PPP3CA: variants seen among roughly 807,000 people sequenced by gnomAD.
PPP3CA encodes CAM-PRP catalytic subunit.
A neutral mutation model predicts 66.5 loss-of-function variants in PPP3CA; 14 were observed. The ratio of observed to expected loss-of-function variants is 0.21; its 90% CI spans 0.14 to 0.33. The LOEUF is 0.33. PPP3CA is among the 10% of genes least tolerant of loss of function. The probability of loss-of-function intolerance (pLI) is 1.00; values close to 1 mark genes in which losing one functional copy is unlikely to be tolerated. For missense variants in PPP3CA, 317 were observed against 639.5 expected, an observed-to-expected ratio of 0.50 and a Z score of 5.44; for synonymous variants, 232 against 226.2, an observed-to-expected ratio of 1.03 and a Z score of -0.23.
At chr4:101,152,572 G>A (rs1723176853) in intron 2 of PPP3CA, among the ~76,000 whole-genome samples, 2 of 152,126 alleles carry the variant, frequency 1.3e-5, no homozygotes. Context: ...CCAGATTTTG[G>A]ACAGAAAATA....
At chr4:101,247,663 G>A (rs1726532013) in intron 1 of PPP3CA, among the ~76,000 whole-genome samples, 1 of 151,876 alleles carries the variant, frequency 6.6e-6, no homozygotes, top group African/African-American at 2.4e-5. Context: ...GATTTATTTT[G>A]TATGTATTAA....
intron 2 of PPP3CA, among the ~76,000 whole-genome samples, chr4:101,166,097 A>G (rs1723686367): frequency 6.6e-6 from 1 of 152,176 alleles, no homozygotes; most frequent in Non-Finnish European, 1.5e-5. Flanking sequence ...CCAACTTAAA[A>G]GTATTTTAGG....
At chr4:101,290,765 G>A (rs2850356) in intron 1 of PPP3CA, among the ~76,000 whole-genome samples, 31,595 of 152,096 alleles carry the variant, frequency 0.21, 3,922 homozygotes, top group East Asian at 0.48. Flanking sequence ...GTATGTGGTT[G>A]CAACTTAAAC....
At chr4:101,299,734 G>A (rs1304281188) in intron 1 of PPP3CA, among the ~76,000 whole-genome samples, 1 of 152,064 alleles carries the variant, frequency 6.6e-6, no homozygotes, top group Non-Finnish European at 1.5e-5. Context: ...TATGTACAGA[G>A]CCTCAGGAAA....
chr4:101,221,504 G>C (rs956167438), intron 1 of PPP3CA, among the ~76,000 whole-genome samples: 4 of 151,484 alleles, frequency 2.6e-5, no homozygotes, highest in African/African-American at 9.7e-5. Context: ...CTTCACAGAT[G>C]CAAGAATTTA....
At chr4:101,130,167 T>G (rs1560617531) in intron 2 of PPP3CA, among the ~76,000 whole-genome samples, 1 of 151,888 alleles carries the variant, frequency 6.6e-6, no homozygotes, top group Non-Finnish European at 1.5e-5. Flanking sequence ...GAAGATCACC[T>G]TAATGAAACA....
intron 11 of PPP3CA, among the ~76,000 whole-genome samples, chr4:101,035,300 C>A (rs370677213): frequency 1.3e-5 from 2 of 149,324 alleles, no homozygotes; most frequent in African/African-American, 2.5e-5. Context: ...AAAACCCCCC[C>A]AAAAACATGG....
intron 2 of PPP3CA, among the ~76,000 whole-genome samples, chr4:101,180,916 A>G (rs1185753367): frequency 6.6e-6 from 1 of 152,028 alleles, no homozygotes; most frequent in Non-Finnish European, 1.5e-5. Flanking sequence ...TTAGCACACT[A>G]TATTACTACA....
chr4:101,146,102 C>A (rs1462483161), intron 2 of PPP3CA, among the ~76,000 whole-genome samples: 1 of 152,186 alleles, frequency 6.6e-6, no homozygotes, highest in Non-Finnish European at 1.5e-5. Context: ...TCTATTCATG[C>A]TGCAAGTTGG....
chr4:101,304,971 T>C (rs1178207211), intron 1 of PPP3CA, among the ~76,000 whole-genome samples: 1 of 152,224 alleles, frequency 6.6e-6, no homozygotes, highest in African/African-American at 2.4e-5. Flanking sequence ...CAACCCACTT[T>C]AGAAGAAAGC....
At chr4:101,190,459 A>G (rs1724560992) in intron 2 of PPP3CA, among the ~76,000 whole-genome samples, 1 of 152,214 alleles carries the variant, frequency 6.6e-6, no homozygotes. Context: ...ACCATGACGT[A>G]ATTGTAATGA....
At chr4:101,308,777 C>CA (rs1038303568) in intron 1 of PPP3CA, among the ~76,000 whole-genome samples, 6 of 152,202 alleles carry the variant, frequency 3.9e-5, no homozygotes, top group East Asian at 1.9e-4. Flanking sequence ...TTTGTAGTCA[C>CA]AAAAAATTTC....
intron 1 of PPP3CA, among the ~76,000 whole-genome samples, chr4:101,302,145 C>T (rs1578646241): frequency 6.6e-6 from 1 of 152,070 alleles, no homozygotes; most frequent in African/African-American, 2.4e-5. Flanking sequence ...AGATAGAGCA[C>T]TAGATTTAGA....
At chr4:101,189,313 A>C (rs1213798132) in intron 2 of PPP3CA, among the ~76,000 whole-genome samples, 2 of 152,176 alleles carry the variant, frequency 1.3e-5, no homozygotes, top group African/African-American at 4.8e-5. Flanking sequence ...AAATAGAATA[A>C]TATCCACAAA....
chr4:101,261,646 T>C (rs771858653), intron 1 of PPP3CA, among the ~76,000 whole-genome samples: 3 of 152,084 alleles, frequency 2.0e-5, no homozygotes, highest in Non-Finnish European at 4.4e-5. Flanking sequence ...CTTTAAAAAA[T>C]AGAACTTCAC....
intron 2 of PPP3CA, among the ~76,000 whole-genome samples, chr4:101,124,623 GAGAA>G (rs974283773): frequency 1.9e-4 from 27 of 139,500 alleles, no homozygotes; most frequent in African/African-American, 6.9e-4. Context: ...AAAGAAAAAA[GAGAA>G]AGAAAGAAAA....
At chr4:101,314,433 G>A (rs1222053020) in intron 1 of PPP3CA, among the ~76,000 whole-genome samples, 8 of 151,696 alleles carry the variant, frequency 5.3e-5, no homozygotes, top group Non-Finnish European at 1.0e-4. Context: ...GCATGGTGGC[G>A]GGCACCTGTA....
chr4:101,342,959 T>G (rs1240247723), intron 1 of PPP3CA, among the ~76,000 whole-genome samples: 2 of 152,152 alleles, frequency 1.3e-5, no homozygotes. Flanking sequence ...CTTAGCATCT[T>G]TCAGAATTCT....
chr4:101,248,791 T>C (rs916272636), intron 1 of PPP3CA, among the ~76,000 whole-genome samples: 5 of 152,242 alleles, frequency 3.3e-5, no homozygotes, highest in Non-Finnish European at 5.9e-5. Context: ...TAGTAGCTAC[T>C]CTGAAATTCA....
Sources: allele counts gnomAD v4.1 joint callset (sites outside exome capture counted in the v4.1 genomes callset), GRCh38; gene constraint gnomAD v4.1.1; transcripts MANE v1.5; gene names NCBI Gene and HGNC (gene_info 2026-07-23, HGNC 2026-07-21).